The following GCNT2 variants were observed in gnomAD, a reference collection of about 807,000 sequenced individuals.
GCNT2 encodes the protein N-acetyllactosaminide beta-1,6-N-acetylglucosaminyl-transferase.
A neutral mutation model predicts 34.2 loss-of-function variants in GCNT2; 34 were observed. That is an observed-to-expected ratio of 1.00 (90% CI 0.76 to 1.32). The LOEUF (loss-of-function observed/expected upper bound fraction) is 1.32, where lower values mean the gene tolerates loss of function less well. GCNT2 is among the 40% of genes most tolerant of loss of function. The probability of loss-of-function intolerance (pLI) is 0.00; values close to 1 mark genes in which losing one functional copy is unlikely to be tolerated. For synonymous variants in GCNT2, 212 were observed against 188.0 expected (o/e 1.13, Z -1.04); for missense variants, 584 against 489.4 (o/e 1.19, Z -1.82).
intron 3 of GCNT2, among the ~76,000 whole-genome samples, chr6:10,600,211 C>A (rs1765035032): frequency 1.3e-5 from 2 of 152,114 alleles, no homozygotes; most frequent in African/African-American, 4.8e-5. Context: ...TATACTAATA[C>A]TGAAATTTGG....
intron 3 of GCNT2, among the ~76,000 whole-genome samples, chr6:10,540,322 T>A (rs1761981925): frequency 6.6e-6 from 1 of 152,198 alleles, no homozygotes; most frequent in Admixed American, 6.5e-5. Context: ...CCAAATGGCC[T>A]CCACAACCTG....
At chr6:10,576,058 C>CG (rs1185643045) in intron 3 of GCNT2, among the ~76,000 whole-genome samples, 1 of 152,160 alleles carries the variant, frequency 6.6e-6, no homozygotes, top group South Asian at 2.1e-4. Flanking sequence ...TGCATGAAAA[C>CG]GGGGTTTCAC....
At chr6:10,542,405 TCACC>T (rs547685516) in intron 3 of GCNT2, among the ~76,000 whole-genome samples, 228 of 141,038 alleles carry the variant, frequency 1.6e-3, no homozygotes, top group African/African-American at 6.4e-3. Context: ...ACCATAAAAC[TCACC>T]CACTTTTGTG....
chr6:10,549,758 C>A (rs1334815861), intron 3 of GCNT2, among the ~76,000 whole-genome samples: 1 of 151,986 alleles, frequency 6.6e-6, no homozygotes, highest in African/African-American at 2.4e-5. Context: ...CAGCTTATGA[C>A]CACTACTCAA....
At chr6:10,582,283 T>TTAA (rs1764123138) in intron 3 of GCNT2, among the ~76,000 whole-genome samples, 4 of 113,804 alleles carry the variant, frequency 3.5e-5, no homozygotes, top group African/African-American at 1.4e-4. Context: ...TATATAAATA[T>TTAA]ATATAATATT....
intron 1 of GCNT2, among the ~76,000 whole-genome samples, chr6:10,522,490 G>A (rs2113463870): frequency 6.6e-6 from 1 of 152,232 alleles, no homozygotes; most frequent in African/African-American, 2.4e-5. Context: ...CAAATAGAGG[G>A]TAGTTACCTG....
At chr6:10,608,366 C>G (rs927509745) in intron 3 of GCNT2, among the ~76,000 whole-genome samples, 26 of 152,272 alleles carry the variant, frequency 1.7e-4, no homozygotes, top group African/African-American at 5.3e-4. Flanking sequence ...GCGTGAGCCA[C>G]CACGCCTGGC....
intron 1 of GCNT2, among the ~76,000 whole-genome samples, chr6:10,525,634 C>A (rs1761146930): frequency 6.6e-6 from 1 of 152,126 alleles, no homozygotes; most frequent in Non-Finnish European, 1.5e-5. Context: ...GAAATAGGTT[C>A]ATATTAATTC....
At chr6:10,538,437 A>AAAATATAT (rs1554127249) in intron 3 of GCNT2, among the ~76,000 whole-genome samples, 6 of 73,336 alleles carry the variant, frequency 8.2e-5, no homozygotes, top group African/African-American at 3.6e-4. Flanking sequence ...AAAAAAAAAA[A>AAAATATAT]ATATATATAT....
intron 3 of GCNT2, among the ~76,000 whole-genome samples, chr6:10,598,695 C>T (rs1033087538): frequency 6.6e-6 from 1 of 152,126 alleles, no homozygotes. Context: ...AGAGTATTTT[C>T]TCGATGTGCC....
intron 3 of GCNT2, among the ~76,000 whole-genome samples, chr6:10,554,104 C>T (rs1164877222): frequency 2.6e-5 from 4 of 152,170 alleles, no homozygotes; most frequent in African/African-American, 9.7e-5. Flanking sequence ...TAAAGGCAGG[C>T]CTGGAGGGCT....
Position 10,557,176 on chromosome 6 carries a change from T to TC in GCNT2, c.925+27347dup, listed in dbSNP as rs756999080. 46 of 1,549,058 alleles carry TC rather than the reference T, an allele frequency of 3.0e-5. No homozygotes were observed. Among genetic ancestry groups the TC allele is most frequent in the Middle Eastern group, 1.7e-4 (1 of 5,742 alleles). Reference sequence around the variant, plus strand: ...TAAGAACAACAGCGTTGAAACCGCCTCCCCCCCATAATCTCACAATTTACT... The same window carrying TC: ...TAAGAACAACAGCGTTGAAACCGCCTCCCCCCCCATAATCTCACAATTTACT... On this transcript the variant is annotated intron_variant, in intron 3 of 4. Coordinates refer to ENST00000495262, the MANE Select transcript of GCNT2 (RefSeq NM_145649.5).
At chr6:10,533,334 C>A (rs2113534572) in intron 3 of GCNT2, among the ~76,000 whole-genome samples, 1 of 151,984 alleles carries the variant, frequency 6.6e-6, no homozygotes, top group African/African-American at 2.4e-5. Flanking sequence ...AAAAATTAGT[C>A]CAGAAAAACA....
chr6:10,623,123 T>C (rs1429810902), intron 4 of GCNT2, among the ~76,000 whole-genome samples: 2 of 152,040 alleles, frequency 1.3e-5, no homozygotes, highest in African/African-American at 4.8e-5. Flanking sequence ...TCTACAACTC[T>C]CCATTACACC....
intron 3 of GCNT2, among the ~76,000 whole-genome samples, chr6:10,541,065 A>G (rs1762016892): frequency 6.6e-6 from 1 of 152,148 alleles, no homozygotes; most frequent in Non-Finnish European, 1.5e-5. Flanking sequence ...GGTTTGTTAC[A>G]TAGGTAAACG....
At chr6:10,563,756 GAAAAAAAAAAAAA>G (rs55761102) in intron 3 of GCNT2, among the ~76,000 whole-genome samples, 1 of 55,792 alleles carries the variant, frequency 1.8e-5, no homozygotes, top group Admixed American at 2.9e-4. Flanking sequence ...AAAGAAAAAA[GAAAAAAAAAAAAA>G]AAAAAAAAAT....
rs1056869168 is a variant in GCNT2 at position 10,617,371 on chromosome 6, C to T, written c.926-3980C>T. ...CACGCTGGCCGGCAAGCGCTGCGCG[C>T]AGCCCTGGTTCCCGCCGGCGCCTCT... On this transcript the variant is annotated intron_variant, in intron 3 of 4. Transcript: ENST00000495262. Among the ~76,000 whole-genome samples the T allele has an allele frequency of 2.0e-5, 3 of 152,212 alleles. No homozygotes were observed. In the East Asian group the frequency reaches 5.8e-4, roughly 29 times the overall value.
At position 10,621,423 on chromosome 6, in the gene GCNT2, A is replaced by T. The variant is rs1387292147; in HGVS notation, c.998A>T (p.Asp333Val). The T allele has an allele frequency of 1.9e-6, 3 of 1,612,416 alleles. No individual in the cohort carries two copies. In the East Asian group the frequency reaches 6.7e-5, roughly 36 times the overall value. The change falls in exon 4 of 5, where the codon GAC becomes GTC. Residue 333 changes from aspartate (D) to valine (V), a missense_variant. Coordinates refer to ENST00000495262, the MANE Select transcript of GCNT2 (RefSeq NM_145649.5). ...LRAIKWSDME[D>V]RHGGCHGHYV... ...GCTATAAAGTGGAGTGACATGGAAGACAGACACGGAGGCTGCCACGGTGAG... is the reference window on the plus strand; with the variant it reads ...GCTATAAAGTGGAGTGACATGGAAGTCAGACACGGAGGCTGCCACGGTGAG...
chr6:10,577,622 C>A (rs1233376618), intron 3 of GCNT2, among the ~76,000 whole-genome samples: 2 of 152,084 alleles, frequency 1.3e-5, no homozygotes, highest in Non-Finnish European at 2.9e-5. Context: ...CTCCCTGAAA[C>A]CTTCGCCTCC....
Sources: gnomAD v4.1 joint callset for allele counts (sites outside exome capture counted in the v4.1 genomes callset) on GRCh38, gnomAD v4.1.1 for gene constraint, MANE v1.5 for transcripts, NCBI Gene and HGNC (gene_info 2026-07-23, HGNC 2026-07-21) for gene names.